ATP8B4: variants seen among roughly 807,000 people sequenced by gnomAD.
ATP8B4 encodes the protein ATPase phospholipid transporting 8B4 (putative).
In ATP8B4, 133 loss-of-function variants were observed where a neutral mutation model predicts 145.6. The ratio of observed to expected loss-of-function variants is 0.91; its 90% CI spans 0.79 to 1.05. The LOEUF (loss-of-function observed/expected upper bound fraction) is 1.05, where lower values mean the gene tolerates loss of function less well. Among genes scored for constraint, ATP8B4 ranks in the 50% least tolerant of loss-of-function variants. ATP8B4 has a pLI of 0.00. For missense variants in ATP8B4, 1,458 were observed against 1,425.2 expected, an observed-to-expected ratio of 1.02 and a Z score of -0.37; for synonymous variants, 507 against 492.9, an observed-to-expected ratio of 1.03 and a Z score of -0.38.
intron 1 of ATP8B4, among the ~76,000 whole-genome samples, chr15:50,141,575 A>G (rs1284896385): frequency 6.6e-6 from 1 of 152,170 alleles, no homozygotes; most frequent in Non-Finnish European, 1.5e-5. Context: ...CCCCTCAAAA[A>G]GCTCACGATC....
intron 12 of ATP8B4, among the ~76,000 whole-genome samples, chr15:49,974,420 G>T (rs1368971342): frequency 1.3e-5 from 2 of 150,466 alleles, no homozygotes; most frequent in African/African-American, 4.9e-5. Context: ...TTAGAGACAG[G>T]GTCTTGCTAT....
chr15:50,117,597 T>C (rs1351888545), intron 1 of ATP8B4, among the ~76,000 whole-genome samples: 3 of 152,106 alleles, frequency 2.0e-5, no homozygotes, highest in East Asian at 3.9e-4. Context: ...CACTCTGTGG[T>C]TTCTCAAAAA....
intron 12 of ATP8B4, among the ~76,000 whole-genome samples, chr15:49,974,243 C>A: frequency 6.6e-6 from 1 of 151,898 alleles, no homozygotes; most frequent in East Asian, 1.9e-4. Context: ...CCACTATGCC[C>A]AGCTAATTTT....
At chr15:49,896,529 G>T (rs2037415985) in intron 23 of ATP8B4, 1 of 152,162 alleles carries the variant, frequency 6.6e-6, no homozygotes, top group African/African-American at 2.4e-5. Flanking sequence ...ATAAATCTCT[G>T]AGTGTTATGG....
intron 1 of ATP8B4, among the ~76,000 whole-genome samples, chr15:50,148,950 A>G (rs1057332393): frequency 3.9e-5 from 6 of 152,222 alleles, no homozygotes; most frequent in African/African-American, 1.4e-4. Flanking sequence ...CAAATGGTTC[A>G]ACATCATTTC....
At chr15:50,158,050 C>T (rs1332752901) in intron 1 of ATP8B4, among the ~76,000 whole-genome samples, 1 of 152,242 alleles carries the variant, frequency 6.6e-6, no homozygotes, top group Non-Finnish European at 1.5e-5. Context: ...GTCTCGTTCA[C>T]TCAGTGCTCA....
Position 49,979,667 on chromosome 15 carries a change from C to A in ATP8B4, c.984G>T (p.Trp328Cys). The A allele has an allele frequency of 6.2e-7, 1 of 1,603,284 alleles. No homozygotes were observed. The highest frequency in any genetic ancestry group is 1.1e-5 in the South Asian group (1 of 89,894). Residue 328 changes from tryptophan to cysteine, a missense_variant, in exon 12 of 28, where the codon TGG (tryptophan) becomes TGT (cysteine). Trp to Cys is a radical substitution (Grantham distance 215). Transcript: ENST00000284509. ...CTGTATTGAGAATAATAATATATGA[C>A]CAGAATGTTAAGAATCCGGAGAACA... ...SSVFSGFLTFWSYIIILNTVV... is the reference protein window; with the variant it reads ...SSVFSGFLTFCSYIIILNTVV...
rs556285598 is a variant in ATP8B4, at chr15:49,881,019, G to A, written c.2698-1560C>T. ...CCCAGCTACTCGGGAGGCTGAGGCA[G>A]GAGAGTGGCATGAACCCGAGAGGCT... On this transcript the variant is annotated intron_variant, in intron 23 of 27. Coordinates refer to ENST00000284509, the MANE Select transcript of ATP8B4 (RefSeq NM_024837.4). 7.7e-4 allele frequency among the ~76,000 whole-genome samples: 117 copies of A among 152,296 alleles called. No individual in the cohort carries two copies. The Middle Eastern group carries it at 0.01, about 13-fold the overall frequency.
rs756464726 is a variant in ATP8B4, at chr15:49,858,750, T to A, written c.*1444A>T. 1.3e-5 allele frequency: 2 copies of A among 152,228 alleles called. No homozygotes were observed. The highest frequency in any genetic ancestry group is 2.9e-5 in the Non-Finnish European group (2 of 68,032). The allele number at this position is 152,228 out of a possible 1,614,324, so 9.4% of individuals were successfully genotyped here. On this transcript the variant is annotated 3_prime_UTR_variant, in exon 28 of 28. Coordinates refer to ENST00000284509, the MANE Select transcript of ATP8B4 (RefSeq NM_024837.4). ...CTGTAGGACCCTAACCAGTTTTATATCTTTCTGGCAATTTCATTTTATCAA... is the reference window on the plus strand; with the variant it reads ...CTGTAGGACCCTAACCAGTTTTATAACTTTCTGGCAATTTCATTTTATCAA...
rs2048437461 is a variant in ATP8B4 at position 50,007,965 on chromosome 15, T to C, written c.435+2880A>G. 1.3e-5 allele frequency among the ~76,000 whole-genome samples: 2 copies of C among 152,188 alleles called. 1 individual carries two copies. Among genetic ancestry groups the C allele is most frequent in the South Asian group, 4.1e-4 (2 of 4,830 alleles). On this transcript the variant is annotated intron_variant, in intron 7 of 27. Coordinates refer to ENST00000284509, the MANE Select transcript of ATP8B4 (RefSeq NM_024837.4). The stretch of plus-strand genomic sequence containing the variant: ...CAAAGATTAGGCCAACAGAACTACA[T>C]TTGTAGGAGTCAAACAGAGAACAAT...
chr15:50,140,178 A>G (rs1221797019), intron 1 of ATP8B4, among the ~76,000 whole-genome samples: 15 of 152,214 alleles, frequency 9.9e-5, no homozygotes, highest in Admixed American at 9.8e-4. Flanking sequence ...GAAATAAAAA[A>G]TGTTTTTAAA....
At chr15:50,038,116 G>GA (rs1490712273) in intron 6 of ATP8B4, among the ~76,000 whole-genome samples, 5 of 151,910 alleles carry the variant, frequency 3.3e-5, no homozygotes, top group African/African-American at 4.8e-5. Context: ...ATAAGGGGGG[G>GA]ACAGCAAAAA....
intron 7 of ATP8B4, among the ~76,000 whole-genome samples, chr15:50,003,694 C>T (rs745903977): frequency 2.3e-4 from 35 of 152,216 alleles, no homozygotes; most frequent in Non-Finnish European, 4.4e-4. Flanking sequence ...TTAAAAGGCT[C>T]ATGTTAAACA....
chr15:50,169,525 A>C (rs1167972719), intron 1 of ATP8B4, among the ~76,000 whole-genome samples: 2 of 152,164 alleles, frequency 1.3e-5, no homozygotes, highest in African/African-American at 4.8e-5. Flanking sequence ...AAAATTCTGA[A>C]CAACACCCTT....
intron 1 of ATP8B4, among the ~76,000 whole-genome samples, chr15:50,133,984 T>C (rs1308080983): frequency 6.6e-6 from 1 of 152,036 alleles, no homozygotes; most frequent in Non-Finnish European, 1.5e-5. Context: ...AAAATAAAAA[T>C]TTAAAATAAA....
intron 15 of ATP8B4, among the ~76,000 whole-genome samples, chr15:49,933,342 G>A (rs1004269919): frequency 4.6e-5 from 7 of 152,196 alleles, no homozygotes; most frequent in African/African-American, 1.7e-4. Flanking sequence ...TTAGTGGGCT[G>A]AGGAAAACAT....
At chr15:49,990,862 T>A (rs1033201624) in intron 9 of ATP8B4, among the ~76,000 whole-genome samples, 1 of 152,172 alleles carries the variant, frequency 6.6e-6, no homozygotes, top group African/African-American at 2.4e-5. Flanking sequence ...AGAATTTCTC[T>A]AGCCAAGAGT....
chr15:50,057,745 G>A (rs530209863), intron 3 of ATP8B4, among the ~76,000 whole-genome samples: 76 of 152,260 alleles, frequency 5.0e-4, no homozygotes, highest in African/African-American at 1.7e-3. Flanking sequence ...CTACCTTCCA[G>A]CCTTAATTTA....
chr15:49,889,731 C>A (rs1350583807), intron 23 of ATP8B4, among the ~76,000 whole-genome samples: 1 of 152,204 alleles, frequency 6.6e-6, no homozygotes, highest in African/African-American at 2.4e-5. Context: ...TGGATAAAAT[C>A]CACCAGGCCC....
Sources: allele counts gnomAD v4.1 joint callset (sites outside exome capture counted in the v4.1 genomes callset), GRCh38; gene constraint gnomAD v4.1.1; transcripts MANE v1.5; gene names NCBI Gene and HGNC (gene_info 2026-07-23, HGNC 2026-07-21).